Variants in PIK3C2G observed in about 807,000 individuals in gnomAD.
PIK3C2G encodes phosphatidylinositol 3-kinase C2 domain-containing subunit gamma.
In PIK3C2G, 168 loss-of-function variants were observed where a neutral mutation model predicts 181.1. The observed-to-expected ratio is 0.93, with a 90% CI of 0.82 to 1.05. The LOEUF (loss-of-function observed/expected upper bound fraction) is 1.05, where lower values mean the gene tolerates loss of function less well. PIK3C2G is among the 50% of genes least tolerant of loss of function. The pLI is 0.00. For synonymous variants in PIK3C2G, 573 were observed against 592.2 expected, an observed-to-expected ratio of 0.97 and a Z score of 0.47; for missense variants, 1,869 against 1,732.8, an observed-to-expected ratio of 1.08 and a Z score of -1.40.
intron 6 of PIK3C2G, among the ~76,000 whole-genome samples, chr12:18,317,484 G>A (rs7963503): frequency 0.2 from 30,087 of 152,018 alleles, 4,464 homozygotes; most frequent in African/African-American, 0.41. Flanking sequence ...GTTACATGCC[G>A]TTCATAGTAC....
At chr12:18,648,612 T>C (rs1950281213), downstream of PIK3C2G, among the ~76,000 whole-genome samples, 1 of 152,116 alleles carries the variant, frequency 6.6e-6, no homozygotes, top group Non-Finnish European at 1.5e-5. Flanking sequence ...TTTCACCCTC[T>C]TCACCACCAA....
At chr12:18,303,138 C>CTTTCTTTT (rs1422309361) in intron 5 of PIK3C2G, among the ~76,000 whole-genome samples, 2 of 131,136 alleles carry the variant, frequency 1.5e-5, no homozygotes, top group African/African-American at 5.8e-5. Flanking sequence ...TTCTTTCTTT[C>CTTTCTTTT]TTTTCTTTTC....
intron 31 of PIK3C2G, among the ~76,000 whole-genome samples, chr12:18,634,424 C>T (rs780929480): frequency 1.4e-4 from 21 of 152,190 alleles, no homozygotes; most frequent in Non-Finnish European, 2.4e-4. Context: ...TCTACAAGTC[C>T]ATGGACGGTA....
At chr12:18,245,765 T>G (rs1948033328), upstream of PIK3C2G, among the ~76,000 whole-genome samples, 1 of 152,150 alleles carries the variant, frequency 6.6e-6, no homozygotes, top group Non-Finnish European at 1.5e-5. Context: ...AAATTTTCAC[T>G]GTTACAAATC....
intron 1 of PIK3C2G, among the ~76,000 whole-genome samples, chr12:18,264,691 T>C (rs1948404762): frequency 6.6e-6 from 1 of 152,156 alleles, no homozygotes; most frequent in Non-Finnish European, 1.5e-5. Flanking sequence ...TTTGGAATAT[T>C]GTATGTGAGA....
chr12:18,280,665 A>G (rs1949172835), intron 1 of PIK3C2G, among the ~76,000 whole-genome samples: 1 of 151,994 alleles, frequency 6.6e-6, no homozygotes, highest in African/African-American at 2.4e-5. Flanking sequence ...TTATCCTGAG[A>G]TAATGGGGAA....
chr12:18,313,508 C>T (rs11044023), intron 5 of PIK3C2G, among the ~76,000 whole-genome samples: 4,193 of 152,066 alleles, frequency 0.028, 92 homozygotes, highest in Non-Finnish European at 0.039. Flanking sequence ...TTCACCACAT[C>T]CCAATGCTTT....
At chr12:18,319,400 G>A (rs1951008855) in intron 6 of PIK3C2G, among the ~76,000 whole-genome samples, 1 of 151,812 alleles carries the variant, frequency 6.6e-6, no homozygotes, top group Non-Finnish European at 1.5e-5. Flanking sequence ...GAAAAGTTAA[G>A]TGCACACTAT....
At chr12:18,420,499 G>C (rs12227900) in intron 16 of PIK3C2G, among the ~76,000 whole-genome samples, 33,689 of 152,046 alleles carry the variant, frequency 0.22, 3,950 homozygotes, top group Admixed American at 0.34. Flanking sequence ...AAGAACTTTA[G>C]ATTTCTGGTT....
chr12:18,540,564 AAG>A (rs1944099379), intron 25 of PIK3C2G, among the ~76,000 whole-genome samples: 1 of 151,932 alleles, frequency 6.6e-6, no homozygotes, highest in African/African-American at 2.4e-5. Flanking sequence ...ACAATCACCA[AAG>A]AGAATGTATA....
chr12:18,638,311 C>T (rs1238197000), intron 31 of PIK3C2G, among the ~76,000 whole-genome samples: 1 of 152,266 alleles, frequency 6.6e-6, no homozygotes, highest in East Asian at 1.9e-4. Context: ...AGCTGATCCT[C>T]TCAGAGGTTG....
the PIK3C2G span, chr12:18,701,534 C>G: frequency 1.9e-5 from 30 of 1,613,914 alleles, no homozygotes; most frequent in Non-Finnish European, 2.5e-5. Context: ...CTCCAGGTAA[C>G]TTTTTTACCC....
chr12:18,471,275 A>G (rs1405111210), intron 18 of PIK3C2G, among the ~76,000 whole-genome samples: 1 of 152,158 alleles, frequency 6.6e-6, no homozygotes, highest in African/African-American at 2.4e-5. Context: ...CATGTACAAA[A>G]TGGGCATTCG....
At chr12:18,412,603 T>C (rs917531383) in intron 16 of PIK3C2G, among the ~76,000 whole-genome samples, 1 of 152,036 alleles carries the variant, frequency 6.6e-6, no homozygotes, top group Non-Finnish European at 1.5e-5. Flanking sequence ...AAATATATTA[T>C]TTATGTTAAC....
chr12:18,363,313 A>T (rs1262025208), intron 12 of PIK3C2G, among the ~76,000 whole-genome samples: 1 of 152,158 alleles, frequency 6.6e-6, no homozygotes, highest in Non-Finnish European at 1.5e-5. Context: ...TAAACAATCA[A>T]GTTTTTTTGA....
At chr12:18,700,538 A>AAAAG in the PIK3C2G span, among the ~76,000 whole-genome samples, 136 of 135,832 alleles carry the variant, frequency 1.0e-3, no homozygotes, top group South Asian at 1.6e-3. Flanking sequence ...AAAAAAAAAT[A>AAAAG]GTTGCTCTGC....
intron 15 of PIK3C2G, among the ~76,000 whole-genome samples, chr12:18,392,363 G>T (rs942717949): frequency 1.3e-5 from 2 of 151,992 alleles, no homozygotes; most frequent in Admixed American, 1.3e-4. Context: ...GTTTTCTTTT[G>T]AGTAATCTTG....
At chr12:18,529,581 A>G (rs12099989) in intron 24 of PIK3C2G, among the ~76,000 whole-genome samples, 4,934 of 152,246 alleles carry the variant, frequency 0.032, 170 homozygotes, top group African/African-American at 0.082. Context: ...TTATGTAGGT[A>G]ACACTTGAAA....
chr12:18,422,542 A>G (rs990573497), intron 17 of PIK3C2G, among the ~76,000 whole-genome samples: 1 of 152,148 alleles, frequency 6.6e-6, no homozygotes, highest in Admixed American at 6.6e-5. Flanking sequence ...GATGCAGTTC[A>G]TAGCTAAGAG....
Sources: allele counts gnomAD v4.1 joint callset (sites outside exome capture counted in the v4.1 genomes callset), GRCh38; gene constraint gnomAD v4.1.1; transcripts MANE v1.5; gene names NCBI Gene and HGNC (gene_info 2026-07-23, HGNC 2026-07-21).